ARHGEF4: variants seen among roughly 807,000 people sequenced by gnomAD.
The protein encoded by ARHGEF4 is APC-stimulated guanine nucleotide exchange factor 1.
Under a neutral mutation model 162.0 loss-of-function variants are expected in ARHGEF4, and 119 were observed. The ratio of observed to expected loss-of-function variants is 0.73; its 90% CI spans 0.63 to 0.86. ARHGEF4 has a LOEUF of 0.86. Ranked by LOEUF, ARHGEF4 falls within the 40% of genes least tolerant of loss-of-function variation. ARHGEF4 has a pLI of 0.00. For missense variants in ARHGEF4, 2,488 were observed against 2,456.0 expected, an observed-to-expected ratio of 1.01 and a Z score of -0.28; for synonymous variants, 1,014 against 979.9, an observed-to-expected ratio of 1.03 and a Z score of -0.65.
chr2:131,017,925 G>C (rs1274789575), intron 4 of ARHGEF4, among the ~76,000 whole-genome samples: 1 of 152,008 alleles, frequency 6.6e-6, no homozygotes, highest in African/African-American at 2.4e-5. Flanking sequence ...TTTTTTTCTA[G>C]CTATAGACAA....
At chr2:130,945,294 T>C (rs1683538803) in intron 3 of ARHGEF4, among the ~76,000 whole-genome samples, 1 of 152,050 alleles carries the variant, frequency 6.6e-6, no homozygotes, top group Admixed American at 6.5e-5. Context: ...ATACACTTCC[T>C]GCAACTGTGT....
At chr2:130,943,753 A>G (rs1266851033) in intron 3 of ARHGEF4, among the ~76,000 whole-genome samples, 3 of 152,178 alleles carry the variant, frequency 2.0e-5, no homozygotes, top group Non-Finnish European at 1.5e-5. Flanking sequence ...GTTGTCATGT[A>G]TATTAAATCT....
intron 4 of ARHGEF4, among the ~76,000 whole-genome samples, chr2:130,988,870 G>GTATATA (rs1490702049): frequency 6.8e-5 from 2 of 29,250 alleles, no homozygotes; most frequent in Admixed American, 6.8e-4. Flanking sequence ...GTGTGTGTGT[G>GTATATA]TGTATATATA....
At position 130,915,494 on chromosome 2, in the gene ARHGEF4, C is replaced by G; in HGVS notation, c.1548C>G (p.Ser516Arg). 1 of 1,550,570 alleles carries G rather than the reference C, an allele frequency of 6.4e-7. No homozygotes were observed. The highest frequency in any genetic ancestry group is 1.2e-5 in the South Asian group (1 of 84,050). Residue 516 changes from serine to arginine, a missense_variant, in exon 2 of 14, where the codon AGC becomes AGG. Coordinates refer to ENST00000409359, the MANE Select transcript of ARHGEF4 (RefSeq NM_001367493.1). ...YTSKYVLSEE[S>R]KSPTRAKFPR... ...CAAAGTATGTGCTCAGCGAGGAAAG[C>G]AAGTCACCTACCAGGGCCAAGTTCC...
At chr2:131,008,742 A>G (rs1344583278) in intron 4 of ARHGEF4, among the ~76,000 whole-genome samples, 7 of 152,112 alleles carry the variant, frequency 4.6e-5, no homozygotes, top group African/African-American at 1.4e-4. Flanking sequence ...ATGTGTATAT[A>G]TATATCTTTT....
At chr2:130,900,967 G>A (rs1301360587) in intron 1 of ARHGEF4, among the ~76,000 whole-genome samples, 1 of 152,066 alleles carries the variant, frequency 6.6e-6, no homozygotes, top group African/African-American at 2.4e-5. Flanking sequence ...TTTGATCTCT[G>A]TTGGTGATGT....
At chr2:130,891,176 G>A (rs1679843473) in intron 1 of ARHGEF4, among the ~76,000 whole-genome samples, 1 of 152,216 alleles carries the variant, frequency 6.6e-6, no homozygotes, top group African/African-American at 2.4e-5. Flanking sequence ...GGCAGGGGCT[G>A]TCTCTGATAC....
intron 4 of ARHGEF4, among the ~76,000 whole-genome samples, chr2:130,982,385 G>A (rs1263972003): frequency 6.6e-6 from 1 of 151,928 alleles, no homozygotes; most frequent in South Asian, 2.1e-4. Flanking sequence ...TGTCTATCAG[G>A]TTTTAAAGAA....
At chr2:130,917,572 T>A in intron 2 of ARHGEF4, 74 bp downstream of exon 2, 1 of 1,462,694 alleles carries the variant, frequency 6.8e-7, no homozygotes, top group Non-Finnish European at 9.0e-7. Flanking sequence ...GCGGGAATCT[T>A]CCTGAGGGGA....
chr2:131,043,347 C>T lies in ARHGEF4; in HGVS notation c.5026-105C>T. 5 of 1,506,240 alleles carry T rather than the reference C, an allele frequency of 3.3e-6. No individual in the cohort carries two copies. The South Asian group carries it at 3.6e-5, about 11-fold the overall frequency. 93.3% of individuals were successfully genotyped at this position (1,506,240 alleles called of 1,614,324 possible). A position where few individuals can be genotyped will look rare whatever the true frequency, so the allele number is the denominator to read the frequency against. ...CCATGGCCTGGCCAGGTGGGCGCTG[C>T]AGGCAAGGCCAGGGGGAGGTGCGCC... is the stretch of plus-strand genomic sequence containing the variant. On this transcript the variant is annotated intron_variant, in intron 10 of 13. Coordinates refer to ENST00000409359, the MANE Select transcript of ARHGEF4 (RefSeq NM_001367493.1).
At chr2:130,984,948 G>A (rs760595852) in intron 4 of ARHGEF4, among the ~76,000 whole-genome samples, 16 of 151,974 alleles carry the variant, frequency 1.1e-4, no homozygotes, top group African/African-American at 3.6e-4. Flanking sequence ...GCACTTGCCC[G>A]CACACCACAC....
intron 3 of ARHGEF4, among the ~76,000 whole-genome samples, chr2:130,934,218 A>T (rs35772797): frequency 0.58 from 88,288 of 152,028 alleles, 29,783 homozygotes; most frequent in East Asian, 0.84. Context: ...TGACCTATTA[A>T]TGTGGTATAT....
intron 2 of ARHGEF4, 50 bp from the exon 3 acceptor site, chr2:130,930,902 T>G: frequency 2.6e-6 from 4 of 1,530,028 alleles, no homozygotes; most frequent in Non-Finnish European, 3.5e-6. Flanking sequence ...TGTTCCCAGT[T>G]GATATGTCCT....
intron 1 of ARHGEF4, among the ~76,000 whole-genome samples, chr2:130,876,635 G>A (rs924569736): frequency 3.3e-5 from 5 of 152,186 alleles, no homozygotes; most frequent in Admixed American, 6.5e-5. Context: ...CTTGTGATCC[G>A]CCCGCCTCGG....
intron 3 of ARHGEF4, among the ~76,000 whole-genome samples, chr2:130,945,172 T>C (rs1301625720): frequency 6.6e-6 from 1 of 152,040 alleles, no homozygotes; most frequent in Non-Finnish European, 1.5e-5. Flanking sequence ...TTATGGGATC[T>C]TCTGCTTGAG....
At chr2:131,034,307 CTG>C (rs2105384659) in intron 5 of ARHGEF4, among the ~76,000 whole-genome samples, 1 of 152,358 alleles carries the variant, frequency 6.6e-6, no homozygotes, top group South Asian at 2.1e-4. Flanking sequence ...GACACACTGA[CTG>C]TACCTGGGCT....
intron 4 of ARHGEF4, among the ~76,000 whole-genome samples, chr2:130,992,465 A>G (rs1459777111): frequency 6.6e-6 from 1 of 152,038 alleles, no homozygotes; most frequent in Non-Finnish European, 1.5e-5. Flanking sequence ...AAACAACTCC[A>G]GATGCGCTGC....
intron 4 of ARHGEF4, among the ~76,000 whole-genome samples, chr2:130,982,622 T>TCC (rs1686204794): frequency 3.3e-5 from 1 of 30,340 alleles, no homozygotes; most frequent in Non-Finnish European, 2.6e-4. Context: ...CCTTTCTTCT[T>TCC]TTCTTTCTTA....
rs747198188 is a variant in ARHGEF4 at position 131,040,071 on chromosome 2, G to C, written c.4361G>C (p.Ser1454Thr). 6.3e-7 allele frequency: 1 copy of C among 1,599,300 alleles called. No homozygotes were observed. The highest frequency in any genetic ancestry group is 1.1e-5 in the South Asian group (1 of 89,246). ...GACGACGCCCCTCTGGCCGGGAACA[G>C]CGGAGCGGAGGACGGCGGGGCGGAG... Reference protein sequence around the residue: ...ADDDAPLAGNSGAEDGGAEAQ... With the variant: ...ADDDAPLAGNTGAEDGGAEAQ... Residue 1454 changes from serine to threonine, a missense_variant, in exon 7 of 14, where the codon AGC becomes ACC. Ser to Thr is a moderately conservative substitution (Grantham distance 58, BLOSUM62 1). Coordinates refer to ENST00000409359, the MANE Select transcript of ARHGEF4 (RefSeq NM_001367493.1).
Sources: gnomAD v4.1 joint callset for allele counts (sites outside exome capture counted in the v4.1 genomes callset) on GRCh38, gnomAD v4.1.1 for gene constraint, MANE v1.5 for transcripts, NCBI Gene and HGNC (gene_info 2026-07-23, HGNC 2026-07-21) for gene names.